Variants in KCNJ6 observed in about 807,000 individuals in gnomAD.
KCNJ6 encodes the protein potassium inwardly rectifying channel subfamily J member 6.
In KCNJ6, 9 loss-of-function variants were observed where a neutral mutation model predicts 34.2. That is an observed-to-expected ratio of 0.26 (90% CI 0.16 to 0.46). The LOEUF is 0.46. Among genes scored for constraint, KCNJ6 ranks in the 20% least tolerant of loss-of-function variants. KCNJ6 has a pLI of 1.00. For synonymous variants in KCNJ6, 196 were observed against 207.1 expected, an observed-to-expected ratio of 0.95 and a Z score of 0.46; for missense variants, 236 against 531.3, an observed-to-expected ratio of 0.44 and a Z score of 5.46.
intron 3 of KCNJ6, among the ~76,000 whole-genome samples, chr21:37,635,701 G>C (rs2054354638): frequency 6.6e-6 from 1 of 151,848 alleles, no homozygotes; most frequent in Non-Finnish European, 1.5e-5. Flanking sequence ...ATTTTTTGTA[G>C]AGATGGGTTT....
intron 3 of KCNJ6, among the ~76,000 whole-genome samples, chr21:37,691,256 G>C (rs2054638386): frequency 6.6e-6 from 1 of 152,208 alleles, no homozygotes; most frequent in South Asian, 2.1e-4. Flanking sequence ...GGCACCCCTA[G>C]GCTCAGGTGT....
At chr21:37,818,211 C>T (rs2409940) in intron 2 of KCNJ6, among the ~76,000 whole-genome samples, 43,957 of 147,842 alleles carry the variant, frequency 0.3, 6,862 homozygotes, top group South Asian at 0.36. Context: ...TGTGTGCGTG[C>T]GTGTGTGTGT....
intron 2 of KCNJ6, among the ~76,000 whole-genome samples, chr21:37,720,706 T>TC (rs1324519827): frequency 1.3e-5 from 2 of 149,144 alleles, no homozygotes; most frequent in South Asian, 2.1e-4. Context: ...TCTTTTCTTT[T>TC]TTTTTTTTTT....
chr21:37,864,834 G>GT (rs1449118798), intron 1 of KCNJ6, among the ~76,000 whole-genome samples: 2 of 151,490 alleles, frequency 1.3e-5, no homozygotes, highest in African/African-American at 2.4e-5. Context: ...ACTTCTGTGG[G>GT]TACATCAGTC....
At chr21:37,849,657 G>A (rs1428812091) in intron 1 of KCNJ6, among the ~76,000 whole-genome samples, 1 of 152,036 alleles carries the variant, frequency 6.6e-6, no homozygotes, top group African/African-American at 2.4e-5. Context: ...GCTCCTGCCC[G>A]ACAAGCCCCT....
At chr21:37,814,771 G>A (rs1041345403) in intron 2 of KCNJ6, among the ~76,000 whole-genome samples, 1 of 151,818 alleles carries the variant, frequency 6.6e-6, no homozygotes, top group African/African-American at 2.4e-5. Flanking sequence ...GGTGGCGGGC[G>A]CCTGTAGTCC....
chr21:37,630,130 A>ATGTGTGTGTGTGTGTG, intron 3 of KCNJ6, among the ~76,000 whole-genome samples: 1 of 49,338 alleles, frequency 2.0e-5, no homozygotes, highest in Non-Finnish European at 4.0e-5. Flanking sequence ...CCAAGATGAC[A>ATGTGTGTGTGTGTGTG]TCTCTGTGTG....
At position 37,619,129 on chromosome 21, in the gene KCNJ6, A is replaced by G; in HGVS notation, c.*6030T>C. On this transcript the variant is annotated 3_prime_UTR_variant, in exon 4 of 4. Coordinates refer to ENST00000609713, the MANE Select transcript of KCNJ6 (RefSeq NM_002240.5). ...CATCACAATGATTTGTTACATTGTT[A>G]CTTTTTTTTCTTTCTCATCTGATTT... 6.6e-6 allele frequency: 1 copy of G among 152,174 alleles called. No homozygotes were observed. Among genetic ancestry groups the G allele is most frequent in the East Asian group, 1.9e-4 (1 of 5,198 alleles). The allele number at this position is 152,174 out of a possible 1,614,324, so 9.4% of individuals were successfully genotyped here. A position where few individuals can be genotyped will look rare whatever the true frequency, so the allele number is the denominator to read the frequency against.
intron 2 of KCNJ6, among the ~76,000 whole-genome samples, chr21:37,715,439 C>T (rs2054785403): frequency 6.6e-6 from 1 of 152,198 alleles, no homozygotes. Flanking sequence ...GGATGCCTCC[C>T]AACTCTGAGA....
intron 2 of KCNJ6, among the ~76,000 whole-genome samples, chr21:37,733,766 C>T (rs1177975891): frequency 7.9e-5 from 12 of 152,114 alleles, no homozygotes; most frequent in Non-Finnish European, 1.3e-4. Context: ...TTGATGGGAG[C>T]GCAATGTCTC....
At chr21:37,713,146 G>C (rs1419088508) in intron 3 of KCNJ6, among the ~76,000 whole-genome samples, 1 of 152,150 alleles carries the variant, frequency 6.6e-6, no homozygotes, top group Non-Finnish European at 1.5e-5. Flanking sequence ...GGGACCCATG[G>C]CTTTTCCCTA....
In KCNJ6 at chr21:37,714,797, G is replaced by A. The variant is rs776985089; in HGVS notation, c.360C>T (p.Asp120=). The A allele has an allele frequency of 1.2e-6, 2 of 1,614,080 alleles. No individual in the cohort carries two copies. Among genetic ancestry groups the A allele is most frequent in the Non-Finnish European group, 1.7e-6 (2 of 1,180,046 alleles). Residue 120 remains aspartate, a synonymous_variant, in exon 3 of 4, where the codon GAC becomes GAT. Coordinates refer to ENST00000609713, the MANE Select transcript of KCNJ6 (RefSeq NM_002240.5). The surrounding 1 kb of genome is among the most constrained non-coding windows in gnomAD (Gnocchi z 5.9). ...AGGAGGGGTCCTCTATGTGGTCCATGTCTCCCCGTATGTATGCGATCAACC... is the reference window on the plus strand; with the variant it reads ...AGGAGGGGTCCTCTATGTGGTCCATATCTCCCCGTATGTATGCGATCAACC... ...IWWLIAYIRG[D]MDHIEDPSWT...
At chr21:37,740,317 C>A (rs1018307331) in intron 2 of KCNJ6, among the ~76,000 whole-genome samples, 3 of 152,136 alleles carry the variant, frequency 2.0e-5, no homozygotes, top group Non-Finnish European at 2.9e-5. Context: ...TGATAAGAAT[C>A]GGTTACAATC....
At chr21:37,630,857 A>G (rs1569433117) in intron 3 of KCNJ6, among the ~76,000 whole-genome samples, 1 of 151,768 alleles carries the variant, frequency 6.6e-6, no homozygotes, top group African/African-American at 2.4e-5. Context: ...TGCCATTTGC[A>G]TTTCTATTTT....
At position 37,655,214 on chromosome 21, in the gene KCNJ6, TGTGTGTGTGTGAGAGAGAGAGAGA is replaced by T. The variant is rs1458998270; in HGVS notation, c.947-29754_947-29731del. 9.2e-3 allele frequency among the ~76,000 whole-genome samples: 669 copies of T among 72,364 alleles called. 31 individuals carry two copies. The highest frequency in any genetic ancestry group is 0.052 in the East Asian group (157 of 3,006). The allele number at this position is 72,364 out of a possible 152,430, so 47.5% of individuals were successfully genotyped here. A position where few individuals can be genotyped will look rare whatever the true frequency, so the allele number is the denominator to read the frequency against. ...GTGTGTGTGTGTGTGTGTGTGTGTG[TGTGTGTGTGTGAGAGAGAGAGAGA>T]GAGAGAGAGAGAGAGAGAGAGAGAG... is the stretch of plus-strand genomic sequence containing the variant. On this transcript the variant is annotated intron_variant, in intron 3 of 3. Coordinates refer to ENST00000609713, the MANE Select transcript of KCNJ6 (RefSeq NM_002240.5).
chr21:37,631,067 C>A (rs2054331564), intron 3 of KCNJ6, among the ~76,000 whole-genome samples: 1 of 152,120 alleles, frequency 6.6e-6, no homozygotes, highest in Non-Finnish European at 1.5e-5. Flanking sequence ...TGTTTTACAG[C>A]AGTTATATGT....
intron 2 of KCNJ6, among the ~76,000 whole-genome samples, chr21:37,763,787 G>A (rs932385108): frequency 1.7e-4 from 26 of 152,204 alleles, no homozygotes; most frequent in Middle Eastern, 3.4e-3. Flanking sequence ...CTGTCCTTGC[G>A]ATAGTTTGCT....
intron 3 of KCNJ6, among the ~76,000 whole-genome samples, chr21:37,697,815 A>C (rs2054670367): frequency 6.6e-6 from 1 of 152,116 alleles, no homozygotes; most frequent in African/African-American, 2.4e-5. Context: ...ATATTTGTTG[A>C]TGGTACATTA....
At chr21:37,837,713 GT>G (rs5843868) in intron 2 of KCNJ6, among the ~76,000 whole-genome samples, 64,428 of 145,880 alleles carry the variant, frequency 0.44, 14,109 homozygotes, top group East Asian at 0.68. Context: ...GGTTCTGTCT[GT>G]TTTTTTTTTT....
Sources: gnomAD v4.1 joint callset for allele counts (sites outside exome capture counted in the v4.1 genomes callset) on GRCh38, gnomAD v4.1.1 for gene constraint, Gnocchi (gnomAD v3.1) non-coding constraint, MANE v1.5 for transcripts, NCBI Gene and HGNC (gene_info 2026-07-23, HGNC 2026-07-21) for gene names.